The following TTC29 variants were observed in gnomAD, a reference collection of about 807,000 sequenced individuals.
TTC29 encodes the protein tetratricopeptide repeat domain 29, also known as tetratricopeptide repeat protein 29.
In TTC29, 49 loss-of-function variants were observed where a neutral mutation model predicts 58.1. That is an observed-to-expected ratio of 0.84 (90% CI 0.67 to 1.07). The LOEUF (loss-of-function observed/expected upper bound fraction) is 1.07. Among genes scored for constraint, TTC29 ranks in the 50% least tolerant of loss-of-function variants. The pLI is 0.00. For missense variants in TTC29, 582 were observed against 555.6 expected (o/e 1.05, Z -0.48); for synonymous variants, 209 against 196.8 (o/e 1.06, Z -0.52).
intron 11 of TTC29, among the ~76,000 whole-genome samples, chr4:146,774,833 T>C (rs902272612): frequency 1.2e-4 from 18 of 152,148 alleles, no homozygotes; most frequent in African/African-American, 3.9e-4. Flanking sequence ...ATCTGTCTAA[T>C]GGTGTCAGTG....
At chr4:146,741,994 A>G (rs1310016328) in intron 11 of TTC29, among the ~76,000 whole-genome samples, 1 of 152,182 alleles carries the variant, frequency 6.6e-6, no homozygotes, top group Non-Finnish European at 1.5e-5. Context: ...CACATGCATT[A>G]TCTCATTTAA....
chr4:146,906,683 G>T (rs992799548), intron 5 of TTC29, among the ~76,000 whole-genome samples: 1 of 152,214 alleles, frequency 6.6e-6, no homozygotes, highest in Non-Finnish European at 1.5e-5. Flanking sequence ...TTTGAAAAAA[G>T]GTGACACAAA....
chr4:146,776,323 G>A (rs79452159), intron 11 of TTC29, among the ~76,000 whole-genome samples: 7,788 of 152,134 alleles, frequency 0.051, 700 homozygotes, highest in African/African-American at 0.18. Context: ...CCATTGCTGG[G>A]GAACTAGTGG....
intron 11 of TTC29, among the ~76,000 whole-genome samples, chr4:146,723,245 CA>C (rs111385837): frequency 0.056 from 7,524 of 134,966 alleles, 489 homozygotes; most frequent in African/African-American, 0.16. Context: ...AAAACTCCGT[CA>C]AAAAAAAAAA....
chr4:146,871,868 C>G (rs942479888), intron 7 of TTC29, among the ~76,000 whole-genome samples: 19 of 152,090 alleles, frequency 1.2e-4, no homozygotes, highest in African/African-American at 4.3e-4. Flanking sequence ...CATCAAAATT[C>G]CAGCTCCCCT....
chr4:146,783,099 A>C (rs755032497), intron 11 of TTC29, among the ~76,000 whole-genome samples: 4 of 152,038 alleles, frequency 2.6e-5, no homozygotes, highest in African/African-American at 9.7e-5. Flanking sequence ...TTATTTACTT[A>C]TTTAAATTCA....
chr4:146,743,923 A>G (rs939058383), intron 11 of TTC29, among the ~76,000 whole-genome samples: 1 of 152,194 alleles, frequency 6.6e-6, no homozygotes, highest in African/African-American at 2.4e-5. Flanking sequence ...AGAGCAATTG[A>G]TCAAAGGAAT....
chr4:146,713,910 A>G (rs1305042804), intron 11 of TTC29, among the ~76,000 whole-genome samples: 1 of 152,158 alleles, frequency 6.6e-6, no homozygotes, highest in Non-Finnish European at 1.5e-5. Flanking sequence ...ATCTGTCCAG[A>G]CACTAAATAC....
chr4:146,803,149 AT>A (rs1239622784), intron 11 of TTC29, among the ~76,000 whole-genome samples: 1 of 152,126 alleles, frequency 6.6e-6, no homozygotes, highest in African/African-American at 2.4e-5. Context: ...GCATAAGCTT[AT>A]TTCACATTCC....
At chr4:146,751,497 C>T (rs115740771) in intron 11 of TTC29, among the ~76,000 whole-genome samples, 2,617 of 152,204 alleles carry the variant, frequency 0.017, 73 homozygotes, top group African/African-American at 0.059. Flanking sequence ...AGACTAAAGT[C>T]ACATTAGACC....
chr4:146,773,087 C>A (rs1747848022), intron 11 of TTC29, among the ~76,000 whole-genome samples: 2 of 152,100 alleles, frequency 1.3e-5, no homozygotes. Flanking sequence ...TGAAACTTTG[C>A]TGAAGTTGTT....
At chr4:146,716,869 A>G (rs547706972) in intron 11 of TTC29, among the ~76,000 whole-genome samples, 1 of 152,318 alleles carries the variant, frequency 6.6e-6, no homozygotes, top group South Asian at 2.1e-4. Flanking sequence ...TAAAACAATG[A>G]CAGTGAGAAA....
intron 11 of TTC29, among the ~76,000 whole-genome samples, chr4:146,769,667 T>A (rs996645111): frequency 2.0e-4 from 31 of 152,044 alleles, no homozygotes; most frequent in Non-Finnish European, 3.8e-4. Flanking sequence ...ATATTCTCCA[T>A]CCAATAATCA....
chr4:146,814,039 G>A (rs1159934757), intron 10 of TTC29, among the ~76,000 whole-genome samples: 1 of 152,096 alleles, frequency 6.6e-6, no homozygotes, highest in Non-Finnish European at 1.5e-5. Flanking sequence ...TCACAAGTGA[G>A]AGAATACTAC....
chr4:146,897,454 TA>T (rs1002713396), intron 6 of TTC29, among the ~76,000 whole-genome samples: 2 of 152,156 alleles, frequency 1.3e-5, no homozygotes, highest in African/African-American at 4.8e-5. Context: ...GCCCATGTGG[TA>T]AATCTTACTA....
intron 11 of TTC29, among the ~76,000 whole-genome samples, chr4:146,748,435 C>G (rs776689889): frequency 2.0e-5 from 3 of 152,156 alleles, no homozygotes; most frequent in Non-Finnish European, 4.4e-5. Context: ...ACACCTGTAC[C>G]CTGGAACCCA....
At chr4:146,708,743 T>C (rs1004035896) in intron 11 of TTC29, among the ~76,000 whole-genome samples, 1 of 151,968 alleles carries the variant, frequency 6.6e-6, no homozygotes, top group South Asian at 2.1e-4. Context: ...CCTGAAAGAG[T>C]TCCACTTTGC....
chr4:146,775,915 A>G (rs369493745), intron 11 of TTC29, among the ~76,000 whole-genome samples: 3 of 152,308 alleles, frequency 2.0e-5, no homozygotes, highest in African/African-American at 7.2e-5. Context: ...GTCTCTTTAC[A>G]TAATCCCATA....
At chr4:146,770,036 A>T (rs1273583467) in intron 11 of TTC29, among the ~76,000 whole-genome samples, 1 of 152,006 alleles carries the variant, frequency 6.6e-6, no homozygotes, top group East Asian at 1.9e-4. Flanking sequence ...CTGGGAAAAG[A>T]ATCTGGACTT....
Sources: gnomAD v4.1 joint callset for allele counts (sites outside exome capture counted in the v4.1 genomes callset) on GRCh38, gnomAD v4.1.1 for gene constraint, MANE v1.5 for transcripts, NCBI Gene and HGNC (gene_info 2026-07-23, HGNC 2026-07-21) for gene names.